Variants in GPD2 observed in about 807,000 individuals in gnomAD.
The protein encoded by GPD2 is glycerol-3-phosphate dehydrogenase 2.
GPD2 carries 54 observed loss-of-function variants against 82.4 expected under a neutral mutation model. The ratio of observed to expected loss-of-function variants is 0.66; its 90% CI spans 0.53 to 0.82. The LOEUF is 0.82. Ranked by LOEUF, GPD2 falls within the 40% of genes least tolerant of loss-of-function variation. GPD2 has a pLI of 0.00. For missense variants in GPD2, 748 were observed against 896.2 expected, an observed-to-expected ratio of 0.83 and a Z score of 2.11; for synonymous variants, 288 against 306.1, an observed-to-expected ratio of 0.94 and a Z score of 0.62.
At chr2:156,446,288 G>T (rs540970405) in intron 1 of GPD2, among the ~76,000 whole-genome samples, 6 of 152,122 alleles carry the variant, frequency 3.9e-5, no homozygotes, top group Non-Finnish European at 8.8e-5. Context: ...TAGAGATGGG[G>T]TTTTGCCATG....
intron 6 of GPD2, among the ~76,000 whole-genome samples, chr2:156,519,734 C>T (rs1434253721): frequency 6.6e-6 from 1 of 152,202 alleles, no homozygotes; most frequent in Non-Finnish European, 1.5e-5. Context: ...GGGTGTGGCT[C>T]GATTACCTGG....
intron 6 of GPD2, among the ~76,000 whole-genome samples, chr2:156,520,508 A>C (rs1685361045): frequency 6.6e-6 from 1 of 151,946 alleles, no homozygotes; most frequent in Non-Finnish European, 1.5e-5. Flanking sequence ...ATGTATTTCT[A>C]AAGTAATGTA....
intron 6 of GPD2, among the ~76,000 whole-genome samples, chr2:156,535,954 A>C (rs1333717803): frequency 6.6e-6 from 1 of 152,212 alleles, no homozygotes; most frequent in Non-Finnish European, 1.5e-5. Flanking sequence ...ACCTGGTCTC[A>C]GTTTAGGCTT....
intron 6 of GPD2, among the ~76,000 whole-genome samples, chr2:156,546,542 G>T (rs1686545082): frequency 6.6e-6 from 1 of 152,178 alleles, no homozygotes; most frequent in East Asian, 1.9e-4. Flanking sequence ...GGTTTACCCT[G>T]CATCCATGGA....
intron 6 of GPD2, among the ~76,000 whole-genome samples, chr2:156,538,334 C>T (rs1314727405): frequency 1.3e-5 from 2 of 152,164 alleles, no homozygotes; most frequent in Non-Finnish European, 2.9e-5. Context: ...TTAACACCTT[C>T]CTACATGCCA....
At chr2:156,539,340 T>TTA (rs1415215755) in intron 6 of GPD2, among the ~76,000 whole-genome samples, 6 of 152,096 alleles carry the variant, frequency 3.9e-5, no homozygotes, top group African/African-American at 1.2e-4. Flanking sequence ...AGAACCTGAG[T>TTA]TAGTGGCTGG....
chr2:156,518,114 C>G (rs1685264824), intron 6 of GPD2, among the ~76,000 whole-genome samples: 1 of 152,120 alleles, frequency 6.6e-6, no homozygotes, highest in African/African-American at 2.4e-5. Context: ...AATTAAAGCC[C>G]AGGTTTCACT....
intron 1 of GPD2, among the ~76,000 whole-genome samples, chr2:156,457,618 A>T (rs1263676161): frequency 6.6e-6 from 1 of 152,262 alleles, no homozygotes; most frequent in African/African-American, 2.4e-5. Flanking sequence ...TTTCAGGGAA[A>T]CAATGGGATT....
At chr2:156,402,536 A>G in the GPD2 span, among the ~76,000 whole-genome samples, 74 of 152,324 alleles carry the variant, frequency 4.9e-4, no homozygotes, top group Non-Finnish European at 5.9e-4. Flanking sequence ...ATGGGGTTTT[A>G]AAATCCCATT....
chr2:156,491,447 C>T (rs894318460), intron 2 of GPD2, among the ~76,000 whole-genome samples: 2 of 152,216 alleles, frequency 1.3e-5, no homozygotes, highest in Non-Finnish European at 2.9e-5. Context: ...AATTTGCTGA[C>T]CCCTGATTTA....
At chr2:156,486,393 G>A (rs577933045) in intron 2 of GPD2, among the ~76,000 whole-genome samples, 98 of 152,248 alleles carry the variant, frequency 6.4e-4, no homozygotes, top group Non-Finnish European at 1.2e-3. Context: ...TATGATTAAC[G>A]TTGACAGCTG....
intron 8 of GPD2, among the ~76,000 whole-genome samples, chr2:156,551,902 T>C (rs939576213): frequency 2.6e-4 from 39 of 152,202 alleles, no homozygotes; most frequent in African/African-American, 8.9e-4. Flanking sequence ...GTTATTTCTT[T>C]CCATGTTTTA....
chr2:156,415,197 G>C, the GPD2 span, among the ~76,000 whole-genome samples: 1 of 134,892 alleles, frequency 7.4e-6, no homozygotes, highest in Admixed American at 8.5e-5. Flanking sequence ...CTTGCTCAGT[G>C]GACCAGGCTG....
chr2:156,415,869 A>G, the GPD2 span, among the ~76,000 whole-genome samples: 1 of 142,436 alleles, frequency 7.0e-6, no homozygotes, highest in Non-Finnish European at 1.6e-5. Flanking sequence ...AAAAATAAAT[A>G]AAATAGCCGG....
chr2:156,415,128 C>T, the GPD2 span, among the ~76,000 whole-genome samples: 1 of 151,662 alleles, frequency 6.6e-6, no homozygotes, highest in East Asian at 1.9e-4. Flanking sequence ...CCCTTTTCCC[C>T]CAAATCCCCC....
At chr2:156,506,678 G>A (rs1684795407) in intron 3 of GPD2, among the ~76,000 whole-genome samples, 1 of 151,728 alleles carries the variant, frequency 6.6e-6, no homozygotes, top group South Asian at 2.1e-4. Flanking sequence ...TTCTGAGGCC[G>A]GATTCTTCAT....
chr2:156,403,567 G>A, the GPD2 span, among the ~76,000 whole-genome samples: 525 of 152,026 alleles, frequency 3.5e-3, 5 homozygotes, highest in African/African-American at 0.01. Context: ...GTTTAAGTAC[G>A]TTTGAGTTGA....
At chr2:156,463,371 A>T (rs1451318950) in intron 1 of GPD2, among the ~76,000 whole-genome samples, 3 of 152,190 alleles carry the variant, frequency 2.0e-5, no homozygotes, top group African/African-American at 7.2e-5. Context: ...TCAGTGCCTG[A>T]CACATGATGG....
the GPD2 span, among the ~76,000 whole-genome samples, chr2:156,404,757 G>A: frequency 6.7e-6 from 1 of 150,126 alleles, no homozygotes; most frequent in East Asian, 2.0e-4. Context: ...AGGAGGCTGA[G>A]GCAGGAGAAT....
Sources: allele counts gnomAD v4.1 joint callset (sites outside exome capture counted in the v4.1 genomes callset), GRCh38; gene constraint gnomAD v4.1.1; transcripts MANE v1.5; gene names NCBI Gene and HGNC (gene_info 2026-07-23, HGNC 2026-07-21).